Variants in CHD1 observed in about 807,000 individuals in gnomAD.
CHD1 encodes chromodomain helicase DNA binding protein 1, also known as ATP-dependent chromatin remodeler CHD1.
Under a neutral mutation model 224.2 loss-of-function variants are expected in CHD1, and 36 were observed. The observed-to-expected ratio is 0.16, with a 90% CI of 0.12 to 0.21. The LOEUF (loss-of-function observed/expected upper bound fraction) is 0.21. Ranked by LOEUF, CHD1 falls within the 10% of genes least tolerant of loss-of-function variation. CHD1 has a pLI of 1.00. For synonymous variants in CHD1, 668 were observed against 658.3 expected (o/e 1.01, Z -0.23); for missense variants, 1,378 against 1,994.8 (o/e 0.69, Z 5.89).
chr5:98,891,162 C>G (rs955892956), intron 15 of CHD1, among the ~76,000 whole-genome samples: 3 of 152,274 alleles, frequency 2.0e-5, no homozygotes, highest in Admixed American at 2.0e-4. Context: ...CAACCTCTGC[C>G]TCATGGGCTC....
rs1751695760 is a variant in CHD1 at position 98,901,337 on chromosome 5, T to C, written c.438-2A>G. On this transcript the variant is annotated splice_acceptor_variant, in intron 5 of 35. Coordinates refer to ENST00000614616, the MANE Select transcript of CHD1 (RefSeq NM_001270.4). LOFTEE classifies it high-confidence loss of function. ...GACCCAGACATTTGCCAATCTTCAC[T>C]GCAGACAAAATTTATAAAGTATTTT... The C allele has an allele frequency of 6.3e-7, 1 of 1,595,582 alleles. No homozygotes were observed. The highest frequency in any genetic ancestry group is 8.5e-7 in the Non-Finnish European group (1 of 1,175,068).
chr5:98,857,909 C>T (rs948389829), intron 35 of CHD1, among the ~76,000 whole-genome samples: 6 of 152,020 alleles, frequency 3.9e-5, no homozygotes, highest in African/African-American at 1.4e-4. Flanking sequence ...TCAAAACGAA[C>T]AATGAACCCC....
chr5:98,909,209 C>T (rs1173332644), intron 2 of CHD1, among the ~76,000 whole-genome samples: 1 of 152,156 alleles, frequency 6.6e-6, no homozygotes, highest in Non-Finnish European at 1.5e-5. Context: ...CCTTTAGTCT[C>T]ATAATTGTTT....
chr5:98,928,333 A>T (rs1368073890), intron 1 of CHD1, among the ~76,000 whole-genome samples: 3 of 151,904 alleles, frequency 2.0e-5, no homozygotes, highest in Non-Finnish European at 4.4e-5. Context: ...CGGCGCAAGG[A>T]TGCGTTCTGC....
intron 20 of CHD1, 88 bp from the exon 21 acceptor site, chr5:98,881,463 C>T (rs1210440856): frequency 1.6e-6 from 1 of 620,156 alleles, no homozygotes; most frequent in Non-Finnish European, 2.7e-6. Flanking sequence ...GACATTTTCA[C>T]CTTTACAACA....
At chr5:98,868,375 A>C (rs573700255) in intron 31 of CHD1, 120 bp downstream of exon 31, 1 of 795,660 alleles carries the variant, frequency 1.3e-6, no homozygotes, top group Non-Finnish European at 1.8e-6. Context: ...TTTCAAATAC[A>C]TTGCTTTTAT....
At chr5:98,909,536 GAT>G (rs2112573161) in intron 2 of CHD1, among the ~76,000 whole-genome samples, 1 of 152,174 alleles carries the variant, frequency 6.6e-6, no homozygotes, top group Non-Finnish European at 1.5e-5. Flanking sequence ...CACTGATGAT[GAT>G]ATGTCTTCCT....
chr5:98,875,501 A>G (rs161938), intron 24 of CHD1, among the ~76,000 whole-genome samples: 50,526 of 152,068 alleles, frequency 0.33, 10,064 homozygotes, highest in African/African-American at 0.55. Context: ...TTCACTGAAT[A>G]GCTTTAATTC....
At chr5:98,918,352 G>A (rs1229763112) in intron 2 of CHD1, among the ~76,000 whole-genome samples, 2 of 151,368 alleles carry the variant, frequency 1.3e-5, no homozygotes, top group Non-Finnish European at 2.9e-5. Flanking sequence ...GAGCCACCGC[G>A]CCTGGCCAAA....
chr5:98,912,473 C>T (rs749698157), intron 2 of CHD1, among the ~76,000 whole-genome samples: 3 of 151,940 alleles, frequency 2.0e-5, no homozygotes, highest in Non-Finnish European at 4.4e-5. Flanking sequence ...GAGTTCAAGA[C>T]GAGCCTGCCC....
intron 31 of CHD1, among the ~76,000 whole-genome samples, chr5:98,865,192 T>A (rs1365557233): frequency 1.3e-5 from 2 of 152,050 alleles, no homozygotes; most frequent in Non-Finnish European, 2.9e-5. Flanking sequence ...AAAACAAACA[T>A]GAAAGTCCTA....
At chr5:98,870,524 T>TAAGGTAA (rs369603336) in intron 29 of CHD1, among the ~76,000 whole-genome samples, 163 bp downstream of exon 29, 1 of 152,298 alleles carries the variant, frequency 6.6e-6, no homozygotes, top group African/African-American at 2.4e-5. Flanking sequence ...TGAGATAATT[T>TAAGGTAA]AAGGTAAAAT....
chr5:98,885,302 G>C (rs1000393804), intron 18 of CHD1, among the ~76,000 whole-genome samples: 1 of 152,122 alleles, frequency 6.6e-6, no homozygotes, highest in African/African-American at 2.4e-5. Context: ...TGAGGCAGGA[G>C]AATAGCTTGA....
chr5:98,875,215 A>G (rs1282908613), intron 24 of CHD1, 102 bp from the exon 25 acceptor site: 2 of 673,818 alleles, frequency 3.0e-6, no homozygotes, highest in African/African-American at 3.8e-5. Context: ...GTTAGTATAA[A>G]AATTCAAGGC....
intron 16 of CHD1, 93 bp from the exon 17 acceptor site, chr5:98,888,333 G>C: frequency 1.1e-6 from 1 of 906,900 alleles, no homozygotes; most frequent in African/African-American, 1.7e-5. Context: ...TTTAAATTGA[G>C]ATTTTAAATT....
chr5:98,859,889 T>C lies in CHD1; in HGVS notation c.4524+83A>G. The stretch of plus-strand genomic sequence containing the variant: ...AAATTTATCTTATTCATTCTGTATT[T>C]ATTAATCAAACTGCTCTGTAAAAAG... On this transcript the variant is annotated intron_variant, in intron 33 of 35. Coordinates refer to ENST00000614616, the MANE Select transcript of CHD1 (RefSeq NM_001270.4). The C allele has an allele frequency of 5.8e-6, 4 of 684,548 alleles. No homozygotes were observed. The South Asian group carries it at 8.2e-5, about 14-fold the overall frequency. 42.4% of individuals were successfully genotyped at this position (684,548 alleles called of 1,614,324 possible). A position where few individuals can be genotyped will look rare whatever the true frequency, so the allele number is the denominator to read the frequency against.
Position 98,898,698 on chromosome 5 carries a change from T to C in CHD1, c.1152A>G (p.Leu384=), listed in dbSNP as rs1268362041. The change falls in exon 9 of 36, where the codon CTA becomes CTG. Residue 384 remains leucine (L), a synonymous_variant. Transcript: ENST00000614616. The stretch of plus-strand genomic sequence containing the variant: ...GTTCCACTATTTGATACTGTTTATG[T>C]AGATCATCTGTAAGTTCTTGCTGGC... ...YNCQQELTDD[L]HKQYQIVERI... 8 of 1,589,904 alleles carry C rather than the reference T, an allele frequency of 5.0e-6. No individual in the cohort carries two copies. Among genetic ancestry groups the C allele is most frequent in the Non-Finnish European group, 6.9e-6 (8 of 1,159,042 alleles).
intron 12 of CHD1, 145 bp downstream of exon 12, chr5:98,896,081 T>G: frequency 3.1e-6 from 2 of 646,526 alleles, no homozygotes; most frequent in Non-Finnish European, 2.7e-6. Flanking sequence ...GGCGTGCTCC[T>G]GTGGTCCCAG....
chr5:98,882,386 T>G (rs548944142), intron 19 of CHD1, among the ~76,000 whole-genome samples: 2 of 144,954 alleles, frequency 1.4e-5, no homozygotes, highest in Admixed American at 6.9e-5. Flanking sequence ...GGAATGACAG[T>G]AATTTTTATG....
Sources: allele counts gnomAD v4.1 joint callset (sites outside exome capture counted in the v4.1 genomes callset), GRCh38; gene constraint gnomAD v4.1.1; transcripts MANE v1.5; gene names NCBI Gene and HGNC (gene_info 2026-07-23, HGNC 2026-07-21).